The following GMDS variants were observed in gnomAD, a reference collection of about 807,000 sequenced individuals.
GMDS encodes GDP-mannose 4,6-dehydratase, also known as GDP-mannose 4,6 dehydratase.
A neutral mutation model predicts 49.9 loss-of-function variants in GMDS; 20 were observed. The ratio of observed to expected loss-of-function variants is 0.40; its 90% CI spans 0.28 to 0.58. The LOEUF is 0.58. GMDS is among the 20% of genes least tolerant of loss of function. GMDS has a pLI of 0.42. For missense variants in GMDS, 362 were observed against 481.4 expected (o/e 0.75, Z 2.32); for synonymous variants, 177 against 178.6 (o/e 0.99, Z 0.07).
intron 1 of GMDS, among the ~76,000 whole-genome samples, chr6:2,131,250 T>G (rs1024869186): frequency 6.6e-6 from 1 of 152,186 alleles, no homozygotes; most frequent in Admixed American, 6.5e-5. Flanking sequence ...TAAAATAATT[T>G]TCTATAATTT....
At chr6:2,167,060 A>C (rs116807693) in intron 1 of GMDS, among the ~76,000 whole-genome samples, 14 of 152,186 alleles carry the variant, frequency 9.2e-5, no homozygotes, top group Non-Finnish European at 1.6e-4. Flanking sequence ...CTCCCAAGCA[A>C]TTTTAAACTG....
intron 7 of GMDS, among the ~76,000 whole-genome samples, chr6:1,870,860 G>A (rs1758701823): frequency 6.6e-6 from 1 of 152,130 alleles, no homozygotes; most frequent in African/African-American, 2.4e-5. Flanking sequence ...TAACTTATGT[G>A]AACAAAAGTA....
intron 4 of GMDS, among the ~76,000 whole-genome samples, chr6:2,081,335 C>A (rs1006078702): frequency 2.0e-5 from 3 of 152,166 alleles, no homozygotes; most frequent in African/African-American, 7.2e-5. Context: ...GCTCTATGCC[C>A]TCTCTGTGCA....
At chr6:2,109,485 T>G (rs1170745671) in intron 4 of GMDS, among the ~76,000 whole-genome samples, 1 of 152,202 alleles carries the variant, frequency 6.6e-6, no homozygotes, top group African/African-American at 2.4e-5. Flanking sequence ...GGCAGGTGCT[T>G]GCTGCATGGA....
At chr6:2,128,221 C>G (rs1581688570) in intron 1 of GMDS, among the ~76,000 whole-genome samples, 1 of 150,358 alleles carries the variant, frequency 6.7e-6, no homozygotes, top group East Asian at 2.0e-4. Context: ...GTTGCCCAGG[C>G]TGGAGTGCGA....
At chr6:1,737,849 G>T (rs572549581) in intron 8 of GMDS, among the ~76,000 whole-genome samples, 2 of 102,308 alleles carry the variant, frequency 2.0e-5, no homozygotes, top group African/African-American at 8.1e-5. Context: ...ACAGATACGC[G>T]CACAGATATG....
intron 9 of GMDS, among the ~76,000 whole-genome samples, chr6:1,695,997 C>T (rs1424655819): frequency 6.6e-6 from 1 of 150,712 alleles, no homozygotes; most frequent in African/African-American, 2.5e-5. Flanking sequence ...CAAGTTGAAC[C>T]CACGTGGACC....
At chr6:1,823,358 C>T (rs911977618) in intron 7 of GMDS, among the ~76,000 whole-genome samples, 4 of 152,144 alleles carry the variant, frequency 2.6e-5, no homozygotes, top group African/African-American at 9.7e-5. Flanking sequence ...TAAAATCTGA[C>T]CTCTTTTCTC....
intron 1 of GMDS, among the ~76,000 whole-genome samples, chr6:2,168,308 C>G (rs977597317): frequency 5.9e-5 from 9 of 152,110 alleles, no homozygotes; most frequent in Admixed American, 2.0e-4. Flanking sequence ...CAACAGCATC[C>G]AAAACCAAAA....
intron 7 of GMDS, among the ~76,000 whole-genome samples, chr6:1,752,771 T>C (rs1038014221): frequency 6.6e-5 from 10 of 152,292 alleles, no homozygotes; most frequent in Admixed American, 6.5e-5. Flanking sequence ...CAGAATTCCA[T>C]ATCCAGCCAA....
chr6:1,694,251 C>A (rs1245109843), intron 9 of GMDS, among the ~76,000 whole-genome samples: 1 of 152,112 alleles, frequency 6.6e-6, no homozygotes, highest in Non-Finnish European at 1.5e-5. Flanking sequence ...CCCATTAAAC[C>A]ACAGCATAGT....
intron 7 of GMDS, among the ~76,000 whole-genome samples, chr6:1,839,339 TC>T (rs1246477185): frequency 1.3e-5 from 2 of 152,204 alleles, no homozygotes; most frequent in Admixed American, 6.5e-5. Flanking sequence ...GCAATCATCC[TC>T]CCGATTAGTA....
chr6:1,737,487 CCACA>C (rs1250404858), intron 8 of GMDS, among the ~76,000 whole-genome samples: 1 of 150,998 alleles, frequency 6.6e-6, no homozygotes, highest in Non-Finnish European at 1.5e-5. Flanking sequence ...GCAATGTGCT[CCACA>C]CACACACAAA....
At chr6:2,114,098 G>C (rs1379655648) in intron 4 of GMDS, among the ~76,000 whole-genome samples, 1 of 152,072 alleles carries the variant, frequency 6.6e-6, no homozygotes, top group Non-Finnish European at 1.5e-5. Context: ...ATGTTTTGGG[G>C]AAAGGAAAGA....
chr6:1,753,526 G>A (rs6920971), intron 7 of GMDS, among the ~76,000 whole-genome samples: 50,929 of 152,056 alleles, frequency 0.33, 9,970 homozygotes, highest in Non-Finnish European at 0.45. Flanking sequence ...TTCAGCTCTG[G>A]ACCAAGCGGA....
At chr6:1,921,272 T>C (rs999717805) in intron 7 of GMDS, among the ~76,000 whole-genome samples, 3 of 152,202 alleles carry the variant, frequency 2.0e-5, no homozygotes, top group African/African-American at 7.2e-5. Flanking sequence ...AAACTGAAAA[T>C]GTGATCTAAG....
Position 2,099,065 on chromosome 6 carries a change from C to T in GMDS, c.345+16706G>A, listed in dbSNP as rs149553043. Among the ~76,000 whole-genome samples the T allele has an allele frequency of 7.1e-4, 108 of 152,200 alleles. No homozygotes were observed. The East Asian group carries it at 0.019, about 27-fold the overall frequency. On this transcript the variant is annotated intron_variant, in intron 4 of 10. Coordinates refer to ENST00000380815, the MANE Select transcript of GMDS (RefSeq NM_001500.4). Reference sequence around the variant, plus strand: ...TACAATACTGTCGCTTATAAAGACACATTTTTAAAACATTTACTTTTTGTT... The same window carrying T: ...TACAATACTGTCGCTTATAAAGACATATTTTTAAAACATTTACTTTTTGTT...
intron 7 of GMDS, among the ~76,000 whole-genome samples, chr6:1,867,332 T>C (rs1022402124): frequency 6.6e-6 from 1 of 152,238 alleles, no homozygotes; most frequent in African/African-American, 2.4e-5. Context: ...TTGTGAAATA[T>C]TAACGAAAAC....
intron 7 of GMDS, among the ~76,000 whole-genome samples, chr6:1,898,050 C>G (rs1240507962): frequency 2.3e-4 from 23 of 101,314 alleles, no homozygotes; most frequent in African/African-American, 6.4e-4. Flanking sequence ...CCTGGCCTCC[C>G]TTGCCATCCT....
Sources: allele counts gnomAD v4.1 joint callset (sites outside exome capture counted in the v4.1 genomes callset), GRCh38; gene constraint gnomAD v4.1.1; transcripts MANE v1.5; gene names NCBI Gene and HGNC (gene_info 2026-07-23, HGNC 2026-07-21).